The following VWF variants were observed in gnomAD, a reference collection of about 807,000 sequenced individuals.
The protein encoded by VWF is Factor VIII related antigen.
A neutral mutation model predicts 308.6 loss-of-function variants in VWF; 176 were observed. The observed-to-expected ratio is 0.57, with a 90% CI of 0.50 to 0.65. The LOEUF (loss-of-function observed/expected upper bound fraction) is 0.65. VWF is among the 30% of genes least tolerant of loss of function. The pLI is 0.00. For synonymous variants in VWF, 1,385 were observed against 1,443.4 expected (o/e 0.96, Z 0.92); for missense variants, 3,146 against 3,648.2 (o/e 0.86, Z 3.55).
chr12:5,976,361 G>A, intron 42 of VWF, 101 bp from the exon 43 acceptor site: 1 of 1,505,118 alleles, frequency 6.6e-7, no homozygotes. Flanking sequence ...CTGAGAATGT[G>A]GCAATAAATA....
intron 37 of VWF, among the ~76,000 whole-genome samples, chr12:5,992,449 G>A (rs1311713636): frequency 2.0e-5 from 3 of 152,322 alleles, no homozygotes; most frequent in East Asian, 1.9e-4. Context: ...ACTGAGGGCA[G>A]AGCAAGGAAC....
At chr12:6,092,620 T>TGAGAGTGAGAGTGAGAGAGAGAGAGTGA (rs1250915385) in intron 6 of VWF, among the ~76,000 whole-genome samples, 16 of 89,670 alleles carry the variant, frequency 1.8e-4, no homozygotes, top group African/African-American at 7.8e-4. Context: ...TGAGTGAGAG[T>TGAGAGTGAGAGTGAGAGAGAGAGAGTGA]GTGTGTGTGT....
chr12:6,057,335 G>T, intron 14 of VWF, among the ~76,000 whole-genome samples: 1 of 104,982 alleles, frequency 9.5e-6, no homozygotes, highest in Non-Finnish European at 1.8e-5. Context: ...TTTTTGGAGA[G>T]ACACGGTCTT....
chr12:6,084,139 G>C (rs181397993), intron 6 of VWF, among the ~76,000 whole-genome samples: 5 of 152,268 alleles, frequency 3.3e-5, no homozygotes, highest in African/African-American at 9.6e-5. Context: ...AGCAGTACTT[G>C]GACCTACCCT....
chr12:5,988,076 G>GTC (rs746908300), intron 38 of VWF, among the ~76,000 whole-genome samples: 5 of 152,218 alleles, frequency 3.3e-5, no homozygotes, highest in Non-Finnish European at 7.3e-5. Context: ...ACTCCAGAGA[G>GTC]TCTCACAAGG....
intron 17 of VWF, among the ~76,000 whole-genome samples, chr12:6,045,888 G>A (rs1027764252): frequency 6.6e-6 from 1 of 152,178 alleles, no homozygotes; most frequent in Non-Finnish European, 1.5e-5. Context: ...GAAACCCCCA[G>A]TACCAGGTCA....
chr12:6,048,526 G>C (rs553334950), intron 16 of VWF, among the ~76,000 whole-genome samples: 1 of 150,932 alleles, frequency 6.6e-6, no homozygotes, highest in Non-Finnish European at 1.5e-5. Context: ...GCAGCGGCAT[G>C]ATCTCAGCTC....
intron 5 of VWF, among the ~76,000 whole-genome samples, chr12:6,107,718 G>A (rs1945259078): frequency 6.6e-6 from 1 of 152,026 alleles, no homozygotes; most frequent in Non-Finnish European, 1.5e-5. Flanking sequence ...GAGTGCAGTG[G>A]TGCGATTTCA....
At chr12:6,086,534 C>A (rs1944973923) in intron 6 of VWF, among the ~76,000 whole-genome samples, 1 of 152,144 alleles carries the variant, frequency 6.6e-6, no homozygotes, top group Non-Finnish European at 1.5e-5. Flanking sequence ...AACTATGCTA[C>A]CAAGCAAACA....
intron 38 of VWF, among the ~76,000 whole-genome samples, chr12:5,989,519 G>A (rs1943714401): frequency 6.6e-6 from 1 of 152,054 alleles, no homozygotes; most frequent in African/African-American, 2.4e-5. Context: ...TGGCTGTGTT[G>A]TTTTCAAAGT....
chr12:5,970,485 C>A (rs1943460185), intron 44 of VWF, among the ~76,000 whole-genome samples: 1 of 152,148 alleles, frequency 6.6e-6, no homozygotes, highest in South Asian at 2.1e-4. Context: ...CAGGATGGGG[C>A]AGCCCCTGAT....
intron 15 of VWF, among the ~76,000 whole-genome samples, chr12:6,056,263 G>A (rs997006718): frequency 1.6e-4 from 11 of 67,972 alleles, no homozygotes; most frequent in South Asian, 1.4e-3. Flanking sequence ...TGTCCCCAGA[G>A]CAATAACAAA....
Position 6,063,118 on chromosome 12 carries a change from TG to T in VWF, c.1433-65del, listed in dbSNP as rs1944673815. 1 of 1,387,000 alleles carries T rather than the reference TG, an allele frequency of 7.2e-7. No individual in the cohort carries two copies. Among genetic ancestry groups the T allele is most frequent in the Admixed American group, 1.8e-5 (1 of 56,734 alleles). 85.9% of individuals were successfully genotyped at this position (1,387,000 alleles called of 1,614,324 possible). A position where few individuals can be genotyped will look rare whatever the true frequency, so the allele number is the denominator to read the frequency against. On this transcript the variant is annotated intron_variant, in intron 12 of 51. Coordinates refer to ENST00000261405, the MANE Select transcript of VWF (RefSeq NM_000552.5). The surrounding 1 kb of genome is among the most constrained non-coding windows in gnomAD (Gnocchi z 4.9). The stretch of plus-strand genomic sequence containing the variant: ...AGAGGACAGGGTGGTGGCAGGCAGA[TG>T]TATTTGGGAGGAAATGGGGTGTCTC...
At chr12:5,964,247 C>G (rs926753080) in intron 47 of VWF, among the ~76,000 whole-genome samples, 8 of 140,754 alleles carry the variant, frequency 5.7e-5, no homozygotes, top group Non-Finnish European at 1.2e-4. Context: ...TACATACATA[C>G]ATGCATACAT....
intron 9 of VWF, 26 bp from the exon 10 acceptor site, chr12:6,071,369 A>C (rs202011784): frequency 1.2e-6 from 2 of 1,613,894 alleles, no homozygotes; most frequent in African/African-American, 2.7e-5. Flanking sequence ...AGCACAGGTC[A>C]TTGGTGGTTC....
At chr12:5,958,034 G>C (rs1389389569) in intron 47 of VWF, among the ~76,000 whole-genome samples, 1 of 152,018 alleles carries the variant, frequency 6.6e-6, no homozygotes, top group Non-Finnish European at 1.5e-5. Context: ...ACTGTGATAA[G>C]TCTAGAGCAA....
At chr12:6,002,068 GATACAT>G (rs1943878223) in intron 34 of VWF, among the ~76,000 whole-genome samples, 1 of 151,846 alleles carries the variant, frequency 6.6e-6, no homozygotes, top group African/African-American at 2.4e-5. Flanking sequence ...GACTCATTGG[GATACAT>G]ATAAAGTGAT....
At chr12:5,985,990 G>A (rs1373512620) in intron 38 of VWF, among the ~76,000 whole-genome samples, 1 of 152,240 alleles carries the variant, frequency 6.6e-6, no homozygotes, top group Non-Finnish European at 1.5e-5. Context: ...AGCCAAAGGA[G>A]AAATTGGGTT....
intron 31 of VWF, among the ~76,000 whole-genome samples, chr12:6,015,661 C>T (rs1488561868): frequency 6.6e-6 from 1 of 152,018 alleles, no homozygotes; most frequent in Non-Finnish European, 1.5e-5. Context: ...TCCATCAACC[C>T]TGCCAAGCCC....
Sources: allele counts gnomAD v4.1 joint callset (sites outside exome capture counted in the v4.1 genomes callset), GRCh38; gene constraint gnomAD v4.1.1; non-coding constraint Gnocchi (gnomAD v3.1); transcripts MANE v1.5; gene names NCBI Gene and HGNC (gene_info 2026-07-23, HGNC 2026-07-21).